The following SNX24 variants were observed in gnomAD, a reference collection of about 807,000 sequenced individuals.
SNX24 encodes sorting nexin-24.
In SNX24, 22 loss-of-function variants were observed where a neutral mutation model predicts 28.7. The observed-to-expected ratio is 0.77, with a 90% CI of 0.55 to 1.10. The LOEUF (loss-of-function observed/expected upper bound fraction) is 1.10, where lower values mean the gene tolerates loss of function less well. Ranked by LOEUF, SNX24 falls within the 50% of genes least tolerant of loss-of-function variation. The pLI is 0.00. For missense variants in SNX24, 221 were observed against 201.1 expected, an observed-to-expected ratio of 1.10 and a Z score of -0.60; for synonymous variants, 69 against 71.5, an observed-to-expected ratio of 0.96 and a Z score of 0.18.
intron 5 of SNX24, among the ~76,000 whole-genome samples, chr5:123,026,507 G>A (rs1402645986): frequency 4.0e-4 from 61 of 152,162 alleles, no homozygotes; most frequent in Non-Finnish European, 8.8e-5. Context: ...TTTTACAATG[G>A]GAAACAGAGG....
chr5:122,862,946 A>G (rs1279895570), intron 1 of SNX24, among the ~76,000 whole-genome samples: 2 of 152,192 alleles, frequency 1.3e-5, no homozygotes, highest in African/African-American at 4.8e-5. Flanking sequence ...ATTGTTTACA[A>G]TGTCAAGAGA....
intron 3 of SNX24, among the ~76,000 whole-genome samples, chr5:122,971,922 G>C (rs1453882810): frequency 6.6e-6 from 1 of 152,194 alleles, no homozygotes; most frequent in Non-Finnish European, 1.5e-5. Flanking sequence ...TTCCTGAAGG[G>C]TCTGGGCCAT....
At chr5:122,893,948 T>C (rs901933967) in intron 1 of SNX24, among the ~76,000 whole-genome samples, 11 of 152,070 alleles carry the variant, frequency 7.2e-5, no homozygotes, top group African/African-American at 2.4e-4. Flanking sequence ...CTTGGGAAGC[T>C]GTGGCAGGAG....
At chr5:122,864,332 G>T (rs528751241) in intron 1 of SNX24, among the ~76,000 whole-genome samples, 1 of 152,076 alleles carries the variant, frequency 6.6e-6, no homozygotes, top group African/African-American at 2.4e-5. Context: ...AAAAAGTGAC[G>T]AACAAGGGTG....
At chr5:122,971,481 A>G (rs1390028770) in intron 3 of SNX24, among the ~76,000 whole-genome samples, 1 of 152,170 alleles carries the variant, frequency 6.6e-6, no homozygotes, top group Admixed American at 6.5e-5. Context: ...ACTTGAACCC[A>G]TACACATCTC....
intron 1 of SNX24, among the ~76,000 whole-genome samples, chr5:122,901,136 G>T (rs1255632946): frequency 6.6e-6 from 1 of 151,724 alleles, no homozygotes; most frequent in African/African-American, 2.4e-5. Context: ...GAAAGGTGGA[G>T]GTGGCAGTGA....
At chr5:122,850,617 A>G (rs1372488897) in intron 1 of SNX24, among the ~76,000 whole-genome samples, 2 of 152,082 alleles carry the variant, frequency 1.3e-5, no homozygotes, top group Admixed American at 6.6e-5. Flanking sequence ...CAGCAGTGTG[A>G]CTACCGTGGG....
intron 1 of SNX24, among the ~76,000 whole-genome samples, chr5:122,921,261 C>G (rs1758419309): frequency 6.6e-6 from 1 of 151,826 alleles, no homozygotes. Flanking sequence ...CTGAAATTTT[C>G]TTATGTGTCC....
downstream of SNX24, among the ~76,000 whole-genome samples, chr5:123,011,727 G>A (rs915514719): frequency 6.6e-6 from 1 of 152,200 alleles, no homozygotes; most frequent in African/African-American, 2.4e-5. Flanking sequence ...CATTGCTGGT[G>A]GAAGTGTGAA....
At chr5:122,991,299 T>A (rs1761838476) in intron 3 of SNX24, among the ~76,000 whole-genome samples, 1 of 152,334 alleles carries the variant, frequency 6.6e-6, no homozygotes, top group East Asian at 1.9e-4. Flanking sequence ...AGTGCATTTT[T>A]ATTCAATACA....
At chr5:122,924,364 G>A (rs1325683904) in intron 1 of SNX24, among the ~76,000 whole-genome samples, 3 of 152,106 alleles carry the variant, frequency 2.0e-5, no homozygotes, top group African/African-American at 2.4e-5. Flanking sequence ...TGCAACAGTC[G>A]ATCTGATAAC....
At chr5:122,976,085 G>T (rs1049352110) in intron 3 of SNX24, among the ~76,000 whole-genome samples, 1 of 152,090 alleles carries the variant, frequency 6.6e-6, no homozygotes, top group Non-Finnish European at 1.5e-5. Context: ...TTTACAAAAT[G>T]CTCCATGGAA....
chr5:122,901,171 A>T (rs1757430442), intron 1 of SNX24, among the ~76,000 whole-genome samples: 1 of 151,260 alleles, frequency 6.6e-6, no homozygotes, highest in South Asian at 2.1e-4. Context: ...ATTGCACTCC[A>T]GCCTGGGTGA....
At chr5:122,954,423 G>C (rs1346759097) in intron 3 of SNX24, among the ~76,000 whole-genome samples, 3 of 151,414 alleles carry the variant, frequency 2.0e-5, no homozygotes, top group Non-Finnish European at 4.4e-5. Flanking sequence ...TATCATTATT[G>C]ATATAATTGG....
In SNX24 at chr5:123,007,892, C is replaced by G. The variant is rs1272129270; in HGVS notation, c.*143C>G. On this transcript the variant is annotated 3_prime_UTR_variant, in exon 7 of 7. Coordinates refer to ENST00000261369, the MANE Select transcript of SNX24 (RefSeq NM_014035.4). ...TGCACAGTCCCAGCTTAATTCAGGG[C>G]AGGGACATTTCCATTAGAATGGTGC... The G allele has an allele frequency of 7.5e-6, 11 of 1,458,522 alleles. No homozygotes were observed. The East Asian group carries it at 2.8e-4, about 37-fold the overall frequency. The allele number at this position is 1,458,522 out of a possible 1,614,324, so 90.3% of individuals were successfully genotyped here. A position where few individuals can be genotyped will look rare whatever the true frequency, so the allele number is the denominator to read the frequency against.
At chr5:122,857,936 C>T (rs1374866643) in intron 1 of SNX24, among the ~76,000 whole-genome samples, 7 of 152,106 alleles carry the variant, frequency 4.6e-5, no homozygotes, top group Non-Finnish European at 8.8e-5. Flanking sequence ...GCACGTGCCA[C>T]GATGCCCGGC....
chr5:123,010,273 C>T (rs1762547073), downstream of SNX24, among the ~76,000 whole-genome samples: 1 of 151,690 alleles, frequency 6.6e-6, no homozygotes, highest in Non-Finnish European at 1.5e-5. Context: ...CAGGAATGCA[C>T]ATGGGAAAGA....
chr5:122,989,909 C>G (rs531869944), intron 3 of SNX24, among the ~76,000 whole-genome samples: 1 of 152,254 alleles, frequency 6.6e-6, no homozygotes, highest in East Asian at 1.9e-4. Context: ...CTGTGTAGTC[C>G]TTACCAGCCA....
intron 1 of SNX24, among the ~76,000 whole-genome samples, chr5:122,851,983 G>C (rs1354786153): frequency 6.6e-6 from 1 of 151,728 alleles, no homozygotes; most frequent in Non-Finnish European, 1.5e-5. Flanking sequence ...GGTTGTTTTT[G>C]TTGGTTTTAA....
Sources: allele counts gnomAD v4.1 joint callset (sites outside exome capture counted in the v4.1 genomes callset), GRCh38; gene constraint gnomAD v4.1.1; transcripts MANE v1.5; gene names NCBI Gene and HGNC (gene_info 2026-07-23, HGNC 2026-07-21).